ATP11B: variants seen among roughly 807,000 people sequenced by gnomAD.
ATP11B encodes the protein ATPase phospholipid transporting 11B (putative).
In ATP11B, 81 loss-of-function variants were observed where a neutral mutation model predicts 157.8. That is an observed-to-expected ratio of 0.51 (90% CI 0.43 to 0.62). ATP11B has a LOEUF of 0.62. Among genes scored for constraint, ATP11B ranks in the 20% least tolerant of loss-of-function variants. ATP11B has a pLI of 0.00. For missense variants in ATP11B, 1,165 were observed against 1,402.2 expected (o/e 0.83, Z 2.70); for synonymous variants, 451 against 469.4 (o/e 0.96, Z 0.51).
intron 12 of ATP11B, among the ~76,000 whole-genome samples, chr3:182,862,776 C>T (rs139234671): frequency 1.2e-4 from 18 of 151,882 alleles, no homozygotes; most frequent in African/African-American, 4.3e-4. Flanking sequence ...TCAATCTTCC[C>T]TCTCATGCTG....
At position 182,887,858 on chromosome 3, in the gene ATP11B, AAAAG is replaced by A. The variant is rs1045696845; in HGVS notation, c.2843+146_2843+149del. 3.5e-5 allele frequency: 32 copies of A among 911,638 alleles called. No homozygotes were observed. In the Middle Eastern group the frequency reaches 1.9e-3, roughly 54 times the overall value. The allele number at this position is 911,638 out of a possible 1,614,324, so 56.5% of individuals were successfully genotyped here. A position where few individuals can be genotyped will look rare whatever the true frequency, so the allele number is the denominator to read the frequency against. The stretch of plus-strand genomic sequence containing the variant: ...TTACAGTTGTTGAATATCAGAGAAA[AAAAG>A]GTTTCTTTCAAAGAGAAAATTGGAA... On this transcript the variant is annotated intron_variant, in intron 24 of 29. Transcript: ENST00000323116.
intron 10 of ATP11B, 99 bp downstream of exon 10, chr3:182,848,656 C>G: frequency 2.0e-6 from 1 of 497,340 alleles, no homozygotes; most frequent in Non-Finnish European, 2.9e-6. Context: ...ATTAAGTAAA[C>G]AGAATGAAAA....
At chr3:182,841,977 CAAAAAA>C in intron 7 of ATP11B, 92 bp from the exon 8 acceptor site, 5 of 359,808 alleles carry the variant, frequency 1.4e-5, no homozygotes, top group Non-Finnish European at 1.4e-5. Context: ...AGACTCGTCT[CAAAAAA>C]AAAAAAAAAA....
chr3:182,906,195 G>A (rs578255052), intron 28 of ATP11B, among the ~76,000 whole-genome samples: 1 of 152,198 alleles, frequency 6.6e-6, no homozygotes, highest in African/African-American at 2.4e-5. Flanking sequence ...ACAACCTATT[G>A]TCTTACATTC....
rs746206459 is a variant in ATP11B, at chr3:182,837,074, CAT to C, written c.557_558del (p.His186ArgfsTer81). On this transcript the variant is annotated frameshift_variant, in exon 7 of 30. Coordinates refer to ENST00000323116, the MANE Select transcript of ATP11B (RefSeq NM_014616.3). LOFTEE classifies it high-confidence loss of function. ...SLDGETNLKT[H>X]VAVPETALLQ... ...CAGTTTAATTCATTTTTTTCAGACA[CAT>C]GTGGCAGTTCCAGAAACAGCATTAT... is the stretch of plus-strand genomic sequence containing the variant. 10 of 1,610,882 alleles carry C rather than the reference CAT, an allele frequency of 6.2e-6. No homozygotes were observed. Among genetic ancestry groups the C allele is most frequent in the East Asian group, 2.2e-5 (1 of 44,804 alleles).
At chr3:182,853,747 A>G (rs79451704) in intron 10 of ATP11B, among the ~76,000 whole-genome samples, 1,616 of 151,604 alleles carry the variant, frequency 0.011, 30 homozygotes, top group African/African-American at 0.037. Flanking sequence ...AGATTCCCTC[A>G]GTCTCAAAAT....
chr3:182,807,359 T>C, intron 1 of ATP11B, among the ~76,000 whole-genome samples: 1 of 152,088 alleles, frequency 6.6e-6, no homozygotes, highest in East Asian at 1.9e-4. Context: ...AAAAAAATGA[T>C]CAAGAGTTTC....
In ATP11B at chr3:182,889,379, A is replaced by G. The variant is rs775495325; in HGVS notation, c.2844-31A>G. ...AGTGGGCAAATAATAAATGATCCCTAATATGTTTCTTTTTCTCTTCTTTTT... is the reference window on the plus strand; with the variant it reads ...AGTGGGCAAATAATAAATGATCCCTGATATGTTTCTTTTTCTCTTCTTTTT... On this transcript the variant is annotated intron_variant, in intron 24 of 29. Coordinates refer to ENST00000323116, the MANE Select transcript of ATP11B (RefSeq NM_014616.3). 3.3e-5 allele frequency: 48 copies of G among 1,444,198 alleles called. No individual in the cohort carries two copies. In the Admixed American group the frequency reaches 9.3e-4, roughly 28 times the overall value. The allele number at this position is 1,444,198 out of a possible 1,614,324, so 89.5% of individuals were successfully genotyped here. A position where few individuals can be genotyped will look rare whatever the true frequency, so the allele number is the denominator to read the frequency against.
chr3:182,797,113 C>T (rs1715663395), intron 1 of ATP11B, among the ~76,000 whole-genome samples: 1 of 152,192 alleles, frequency 6.6e-6, no homozygotes, highest in South Asian at 2.1e-4. Context: ...ATGCAACCCT[C>T]TTTTCCAAGA....
chr3:182,915,934 T>C, intron 29 of ATP11B: 1 of 980,142 alleles, frequency 1.0e-6, no homozygotes, highest in South Asian at 4.7e-5. Flanking sequence ...TAAATGCCCT[T>C]CCAGGTTTCT....
At chr3:182,801,120 C>T (rs1390475339) in intron 1 of ATP11B, among the ~76,000 whole-genome samples, 1 of 152,170 alleles carries the variant, frequency 6.6e-6, no homozygotes, top group Non-Finnish European at 1.5e-5. Flanking sequence ...AAATTTTTAG[C>T]ATGTAGTTTA....
At chr3:182,826,135 C>G (rs973696940) in intron 2 of ATP11B, among the ~76,000 whole-genome samples, 2 of 152,178 alleles carry the variant, frequency 1.3e-5, no homozygotes, top group Non-Finnish European at 2.9e-5. Flanking sequence ...AGTTCTCCCT[C>G]TCTATACAAT....
intron 7 of ATP11B, 98 bp from the exon 8 acceptor site, chr3:182,841,977 C>CAACA (rs1719067967): frequency 3.0e-6 from 1 of 330,610 alleles, no homozygotes; most frequent in African/African-American, 4.1e-5. Flanking sequence ...AGACTCGTCT[C>CAACA]AAAAAAAAAA....
At chr3:182,881,012 G>A in intron 21 of ATP11B, 31 bp downstream of exon 21, 1 of 1,489,240 alleles carries the variant, frequency 6.7e-7, no homozygotes, top group Non-Finnish European at 9.1e-7. Flanking sequence ...AGTTTTTCCT[G>A]AACTTTTAAA....
At chr3:182,805,599 C>T (rs929882671) in intron 1 of ATP11B, among the ~76,000 whole-genome samples, 2 of 151,006 alleles carry the variant, frequency 1.3e-5, no homozygotes, top group African/African-American at 2.4e-5. Context: ...GTATTATAGG[C>T]GCGTGCTACC....
At chr3:182,849,803 AAG>A (rs1195464530) in intron 10 of ATP11B, among the ~76,000 whole-genome samples, 1 of 152,164 alleles carries the variant, frequency 6.6e-6, no homozygotes, top group Non-Finnish European at 1.5e-5. Context: ...TTCCCAAAAA[AAG>A]AGAAAAAAGG....
At chr3:182,911,296 A>G (rs1393681937) in intron 28 of ATP11B, among the ~76,000 whole-genome samples, 1 of 115,620 alleles carries the variant, frequency 8.6e-6, no homozygotes, top group South Asian at 2.9e-4. Flanking sequence ...GTCCTTTAAG[A>G]TGTATTTTAA....
At chr3:182,799,785 T>C (rs1303052786) in intron 1 of ATP11B, among the ~76,000 whole-genome samples, 4 of 152,192 alleles carry the variant, frequency 2.6e-5, no homozygotes, top group Non-Finnish European at 4.4e-5. Context: ...TTGCTTTTTT[T>C]CCTGGAGTTT....
chr3:182,887,516 A>G (rs1253045314), intron 23 of ATP11B, 70 bp from the exon 24 acceptor site: 3 of 1,348,682 alleles, frequency 2.2e-6, no homozygotes, highest in East Asian at 2.5e-5. Context: ...TTTAATATGC[A>G]TAGTTGTCAT....
Sources: gnomAD v4.1 joint callset for allele counts (sites outside exome capture counted in the v4.1 genomes callset) on GRCh38, gnomAD v4.1.1 for gene constraint, MANE v1.5 for transcripts, NCBI Gene and HGNC (gene_info 2026-07-23, HGNC 2026-07-21) for gene names.